SLC1A6: variants seen among roughly 807,000 people sequenced by gnomAD.
SLC1A6 encodes the protein solute carrier family 1 member 6, also known as excitatory amino acid transporter 4.
Under a neutral mutation model 42.1 loss-of-function variants are expected in SLC1A6, and 15 were observed. The ratio of observed to expected loss-of-function variants is 0.36; its 90% CI spans 0.24 to 0.55. The LOEUF (loss-of-function observed/expected upper bound fraction) is 0.55, where lower values mean the gene tolerates loss of function less well. SLC1A6 is among the 20% of genes least tolerant of loss of function. SLC1A6 has a pLI of 0.88. For synonymous variants in SLC1A6, 317 were observed against 319.7 expected, an observed-to-expected ratio of 0.99 and a Z score of 0.09; for missense variants, 542 against 772.5, an observed-to-expected ratio of 0.70 and a Z score of 3.54.
rs751723407 is a variant in SLC1A6, at chr19:14,962,263, G to C, written c.674C>G (p.Pro225Arg). 2 of 1,614,134 alleles carry C rather than the reference G, an allele frequency of 1.2e-6. No homozygotes were observed. Among genetic ancestry groups the C allele is most frequent in the South Asian group, 2.2e-5 (2 of 91,080 alleles). Residue 225 changes from proline to arginine, a missense_variant, in exon 6 of 10, where the codon CCT (proline) becomes CGT (arginine). Physicochemically the swap from Pro to Arg is moderately radical, Grantham distance 103. Transcript: ENST00000594383. ...TCCGTTCTCCACTGAGAATGGAGGA[G>C]GCATGGAGGCACCCGGCTCAGACCC... ...ENGSEPGASMPPPFSVENGTS... is the reference protein window; with the variant it reads ...ENGSEPGASMRPPFSVENGTS...
chr19:14,963,401 C>G (rs2045537434), intron 5 of SLC1A6, among the ~76,000 whole-genome samples: 1 of 152,004 alleles, frequency 6.6e-6, no homozygotes, highest in African/African-American at 2.4e-5. Flanking sequence ...GTGACTATAG[C>G]TAATAACAAT....
Position 14,950,105 on chromosome 19 carries a change from C to T in SLC1A6, c.*90G>A. 1 of 951,902 alleles carries T rather than the reference C, an allele frequency of 1.1e-6. No homozygotes were observed. The highest frequency in any genetic ancestry group is 1.5e-6 in the Non-Finnish European group (1 of 668,276). The allele number at this position is 951,902 out of a possible 1,614,324, so 59.0% of individuals were successfully genotyped here. ...TGAGTCAAGCAGAACGTGTGTTCAG[C>T]CCACGGTCAGTTGGGCAACAGATGT... On this transcript the variant is annotated 3_prime_UTR_variant, in exon 10 of 10. Transcript: ENST00000594383.
chr19:14,989,363 G>A (rs1221586972), intron 1 of SLC1A6, among the ~76,000 whole-genome samples: 1 of 152,044 alleles, frequency 6.6e-6, no homozygotes, highest in Non-Finnish European at 1.5e-5. Flanking sequence ...CTGGGTTCAA[G>A]CAATTCTCCT....
At chr19:14,982,347 T>C (rs1447615620), upstream of SLC1A6, among the ~76,000 whole-genome samples, 3 of 152,068 alleles carry the variant, frequency 2.0e-5, no homozygotes, top group Non-Finnish European at 2.9e-5. Flanking sequence ...CTGGCCAACC[T>C]GGTGAAACCC....
intron 1 of SLC1A6, among the ~76,000 whole-genome samples, chr19:15,002,152 C>T (rs983248272): frequency 2.0e-5 from 3 of 151,904 alleles, no homozygotes; most frequent in African/African-American, 7.3e-5. Flanking sequence ...TGCAGTGGTG[C>T]GATCATAGCT....
chr19:15,007,788 G>A (rs2045902802), intron 1 of SLC1A6, among the ~76,000 whole-genome samples: 1 of 152,072 alleles, frequency 6.6e-6, no homozygotes, highest in South Asian at 2.1e-4. Context: ...ACTTTGTGGG[G>A]GCGAGACGGG....
chr19:14,955,149 G>A, intron 7 of SLC1A6, among the ~76,000 whole-genome samples: 1 of 152,168 alleles, frequency 6.6e-6, no homozygotes, highest in Non-Finnish European at 1.5e-5. Context: ...TTGGAATCCT[G>A]GACTCATAAG....
intron 1 of SLC1A6, among the ~76,000 whole-genome samples, chr19:15,002,964 A>ATTTTGT (rs55727450): frequency 4.0e-5 from 6 of 150,814 alleles, no homozygotes; most frequent in Non-Finnish European, 5.9e-5. Flanking sequence ...TTTTTGTGGG[A>ATTTTGT]TGTTGTTGTT....
Position 14,956,720 on chromosome 19 carries a change from G to C in SLC1A6, c.936-11C>G. On this transcript the variant is annotated splice_polypyrimidine_tract_variant and intron_variant, in intron 6 of 9. Transcript: ENST00000594383. Reference sequence around the variant, plus strand: ...CCCACAGGTGCATACCTGTGTGAGGGAGCCACATACCTGTCAGGGCTCCCT... The same window carrying C: ...CCCACAGGTGCATACCTGTGTGAGGCAGCCACATACCTGTCAGGGCTCCCT... 1.3e-6 allele frequency: 2 copies of C among 1,576,624 alleles called. No individual in the cohort carries two copies. The highest frequency in any genetic ancestry group is 8.7e-7 in the Non-Finnish European group (1 of 1,150,440).
Position 15,003,673 on chromosome 19 carries a change from AAG to A in SLC1A6, c.6+6810_6+6811del, listed in dbSNP as rs1555711188. ...TCCATGTAATGCCAAAAAAAAAAAAAAGAAAGAAAAGAAAAGAAAAAAGGCTA... is the reference window on the plus strand; with the variant it reads ...TCCATGTAATGCCAAAAAAAAAAAAAAAAGAAAAGAAAAGAAAAAAGGCTA... On this transcript the variant is annotated intron_variant, in intron 1 of 8. Transcript: ENST00000430939. Among the ~76,000 whole-genome samples, 218 of 144,390 alleles carry A rather than the reference AAG, an allele frequency of 1.5e-3. 3 individuals carry two copies. The highest frequency in any genetic ancestry group is 0.011 in the Middle Eastern group (3 of 274). 94.7% of individuals were successfully genotyped at this position (144,390 alleles called of 152,430 possible).
intron 8 of SLC1A6, 138 bp downstream of exon 8, chr19:14,953,997 T>C: frequency 1.3e-6 from 1 of 741,652 alleles, no homozygotes; most frequent in Non-Finnish European, 2.2e-6. Context: ...CATTGGGCTC[T>C]TCCCACATCC....
In SLC1A6 at chr19:14,962,279, G is replaced by C; in HGVS notation, c.658C>G (p.Pro220Ala). Residue 220 changes from proline (P) to alanine (A), a missense_variant, in exon 6 of 10, where the codon CCG (proline) becomes GCG (alanine). By Grantham distance (27) the Pro-to-Ala change is conservative (BLOSUM62 -1). Transcript: ENST00000594383. ...AATGGAGGAGGCATGGAGGCACCCG[G>C]CTCAGACCCGTTCTCTGTCCTCACC... ...TMVRTENGSEPGASMPPPFSV... is the reference protein window; with the variant it reads ...TMVRTENGSEAGASMPPPFSV... The C allele has an allele frequency of 1.2e-6, 2 of 1,614,090 alleles. No individual in the cohort carries two copies. The highest frequency in any genetic ancestry group is 2.2e-5 in the South Asian group (2 of 91,066).
chr19:14,999,176 C>A (rs1429625874), intron 1 of SLC1A6, among the ~76,000 whole-genome samples: 1 of 152,142 alleles, frequency 6.6e-6, no homozygotes, highest in Non-Finnish European at 1.5e-5. Flanking sequence ...CCATGCCCGG[C>A]CAAGAAACAT....
chr19:14,961,871 G>A, intron 6 of SLC1A6, 131 bp downstream of exon 6: 2 of 1,308,084 alleles, frequency 1.5e-6, no homozygotes, highest in South Asian at 1.6e-5. Flanking sequence ...ATGAGTTGGT[G>A]AGTGGGTAAG....
intron 1 of SLC1A6, among the ~76,000 whole-genome samples, chr19:15,008,183 C>G (rs1191482865): frequency 6.6e-6 from 1 of 151,864 alleles, no homozygotes; most frequent in Admixed American, 6.6e-5. Flanking sequence ...TGTCTTTACA[C>G]AAAATTTAAA....
Position 14,950,135 on chromosome 19 carries a change from C to T in SLC1A6, c.*60G>A. ...GGTCAGTTGGGCAACAGATGTGTCA[C>T]CAGGACTCCCCTCCCCAGCCCCCTT... On this transcript the variant is annotated 3_prime_UTR_variant, in exon 10 of 10. Transcript: ENST00000594383. 1 of 1,298,156 alleles carries T rather than the reference C, an allele frequency of 7.7e-7. No individual in the cohort carries two copies. Among genetic ancestry groups the T allele is most frequent in the Non-Finnish European group, 1.0e-6 (1 of 973,712 alleles). The allele number at this position is 1,298,156 out of a possible 1,614,324, so 80.4% of individuals were successfully genotyped here. A position where few individuals can be genotyped will look rare whatever the true frequency, so the allele number is the denominator to read the frequency against.
intron 1 of SLC1A6, among the ~76,000 whole-genome samples, chr19:14,986,202 G>C (rs143458272): frequency 6.4e-4 from 97 of 150,926 alleles, no homozygotes; most frequent in African/African-American, 6.6e-4. Context: ...ATATTAAAAA[G>C]ACATATACTC....
chr19:14,973,048 T>C, intron 1 of SLC1A6, 131 bp from the exon 2 acceptor site: 1 of 683,240 alleles, frequency 1.5e-6, no homozygotes, highest in Non-Finnish European at 2.4e-6. Flanking sequence ...GCTGGGTGTT[T>C]TGGCTCACGC....
chr19:14,999,140 A>G (rs1345211647), intron 1 of SLC1A6, among the ~76,000 whole-genome samples: 2 of 152,050 alleles, frequency 1.3e-5, no homozygotes, highest in Non-Finnish European at 2.9e-5. Context: ...AGCCTCCCAA[A>G]GTGCTGGGAT....
Sources: allele counts gnomAD v4.1 joint callset (sites outside exome capture counted in the v4.1 genomes callset), GRCh38; gene constraint gnomAD v4.1.1; transcripts MANE v1.5; gene names NCBI Gene and HGNC (gene_info 2026-07-23, HGNC 2026-07-21).